SLC30A3: variants seen among roughly 807,000 people sequenced by gnomAD.
SLC30A3 encodes the protein solute carrier family 30 member 3, also known as probable proton-coupled zinc antiporter SLC30A3.
SLC30A3 carries 20 observed loss-of-function variants against 35.6 expected under a neutral mutation model. The ratio of observed to expected loss-of-function variants is 0.56; its 90% CI spans 0.39 to 0.82. The LOEUF is 0.82. SLC30A3 is among the 40% of genes least tolerant of loss of function. SLC30A3 has a pLI of 0.00. For synonymous variants in SLC30A3, 217 were observed against 224.7 expected, an observed-to-expected ratio of 0.97 and a Z score of 0.31; for missense variants, 401 against 530.6, an observed-to-expected ratio of 0.76 and a Z score of 2.40.
chr2:27,270,197 A>T (rs1259433979), intron 1 of SLC30A3, among the ~76,000 whole-genome samples: 1 of 152,250 alleles, frequency 6.6e-6, no homozygotes, highest in Non-Finnish European at 1.5e-5. Context: ...TCTAAATTAC[A>T]GTGTTTTAAT....
At position 27,257,427 on chromosome 2, in the gene SLC30A3, TC is replaced by T; in HGVS notation, c.579-76del. 1 of 1,379,354 alleles carries T rather than the reference TC, an allele frequency of 7.2e-7. No individual in the cohort carries two copies. The highest frequency in any genetic ancestry group is 1.0e-6 in the Non-Finnish European group (1 of 992,806). 85.4% of individuals were successfully genotyped at this position (1,379,354 alleles called of 1,614,324 possible). A position where few individuals can be genotyped will look rare whatever the true frequency, so the allele number is the denominator to read the frequency against. The stretch of plus-strand genomic sequence containing the variant: ...TATACCCCCATCTCCATGTCTCACC[TC>T]CCCAGTAGCCCTTTCCCAGCCCCTG... On this transcript the variant is annotated intron_variant, in intron 4 of 7. Transcript: ENST00000233535. This position sits in a 1 kb window ranked among gnomAD's most constrained non-coding sequence, Gnocchi z 4.7.
chr2:27,272,958 G>T (rs192673430), intron 1 of SLC30A3, among the ~76,000 whole-genome samples: 1 of 151,434 alleles, frequency 6.6e-6, no homozygotes, highest in Non-Finnish European at 1.5e-5. Context: ...AGGCTGAGGT[G>T]GGAGGATGGC....
intron 1 of SLC30A3, chr2:27,275,123 G>C: frequency 2.5e-6 from 3 of 1,218,460 alleles, no homozygotes; most frequent in Non-Finnish European, 3.3e-6. Flanking sequence ...CCTAAGTCCT[G>C]AAGACAACTG....
At position 27,256,776 on chromosome 2, in the gene SLC30A3, T is replaced by C. The variant is rs776038106; in HGVS notation, c.883+12A>G. ...GGGCCACAGGGATGGGGAGCTGTGG[T>C]GCCCGACTCACCTTCCATGAGGATT... On this transcript the variant is annotated intron_variant, in intron 6 of 7. Transcript: ENST00000233535. 1.3e-6 allele frequency: 2 copies of C among 1,573,810 alleles called. No homozygotes were observed. Among genetic ancestry groups the C allele is most frequent in the African/African-American group, 2.7e-5 (2 of 72,834 alleles).
intron 5 of SLC30A3, 71 bp from the exon 6 acceptor site, chr2:27,256,964 C>T (rs1366947947): frequency 1.6e-6 from 2 of 1,224,658 alleles, no homozygotes; most frequent in Non-Finnish European, 2.4e-6. Context: ...GTATCTTGAA[C>T]AAACATGACC....
At position 27,257,771 on chromosome 2, in the gene SLC30A3, C is replaced by T. The variant is rs1037602959; in HGVS notation, c.578+134G>A. ...CTATCCCAGACCCTTCTCAGGCACA[C>T]GCAGGGCAGCCCATGGAGAGCTGTG... On this transcript the variant is annotated intron_variant, in intron 4 of 7. Coordinates refer to ENST00000233535, the MANE Select transcript of SLC30A3 (RefSeq NM_003459.5). This position sits in a 1 kb window ranked among gnomAD's most constrained non-coding sequence, Gnocchi z 4.7. 42 of 913,552 alleles carry T rather than the reference C, an allele frequency of 4.6e-5. No homozygotes were observed. Among genetic ancestry groups the T allele is most frequent in the Non-Finnish European group, 6.0e-5 (36 of 600,584 alleles). 56.6% of individuals were successfully genotyped at this position (913,552 alleles called of 1,614,324 possible). A position where few individuals can be genotyped will look rare whatever the true frequency, so the allele number is the denominator to read the frequency against.
chr2:27,275,365 G>A (rs1201471431), upstream of SLC30A3: 12 of 502,034 alleles, frequency 2.4e-5, no homozygotes, highest in Non-Finnish European at 4.1e-5. Context: ...TTCCCTGCGC[G>A]CGAAATAAGT....
intron 1 of SLC30A3, among the ~76,000 whole-genome samples, chr2:27,270,673 G>A (rs558056873): frequency 9.8e-5 from 15 of 152,304 alleles, no homozygotes; most frequent in African/African-American, 3.6e-4. Flanking sequence ...TTACAGGTAA[G>A]ACAGGTGCTG....
intron 1 of SLC30A3, among the ~76,000 whole-genome samples, chr2:27,272,386 T>C (rs1677761697): frequency 6.6e-6 from 1 of 152,154 alleles, no homozygotes; most frequent in African/African-American, 2.4e-5. Flanking sequence ...CAAGAAATCA[T>C]TCATTCACTC....
intron 1 of SLC30A3, among the ~76,000 whole-genome samples, chr2:27,268,993 A>C (rs1677613355): frequency 6.6e-6 from 1 of 152,134 alleles, no homozygotes; most frequent in Admixed American, 6.6e-5. Context: ...GGGTGCATCA[A>C]GGCTGTGGGA....
chr2:27,263,925 C>T (rs1677361096), upstream of SLC30A3: 2 of 668,078 alleles, frequency 3.0e-6, no homozygotes, highest in Non-Finnish European at 4.7e-6. Context: ...GATTCCCATC[C>T]TCCACACCTG....
upstream of SLC30A3, chr2:27,275,681 G>C (rs1677998826): frequency 1.2e-5 from 2 of 164,876 alleles, no homozygotes; most frequent in African/African-American, 2.4e-5. Context: ...CTGCTCTCTG[G>C]GGTTCCGCTG....
At chr2:27,263,215 GCC>G, upstream of SLC30A3, 1 of 662,210 alleles carries the variant, frequency 1.5e-6, no homozygotes, top group Non-Finnish European at 2.0e-6. Flanking sequence ...GGAGCGCCCC[GCC>G]ACCCGAGTTC....
At chr2:27,264,976 G>C (rs1338522745), upstream of SLC30A3, among the ~76,000 whole-genome samples, 1 of 152,198 alleles carries the variant, frequency 6.6e-6, no homozygotes, top group East Asian at 1.9e-4. This position sits in a 1 kb window ranked among gnomAD's most constrained non-coding sequence, Gnocchi z 6.1. Context: ...GCTGGGATGC[G>C]CAGCGGCCAC....
rs1394710870 is a variant in SLC30A3, at chr2:27,262,292, C to G, written c.95+520G>C. 6.6e-6 allele frequency: 1 copy of G among 152,120 alleles called. No individual in the cohort carries two copies. The highest frequency in any genetic ancestry group is 1.5e-5 in the Non-Finnish European group (1 of 68,160). 9.4% of individuals were successfully genotyped at this position (152,120 alleles called of 1,614,324 possible). On this transcript the variant is annotated intron_variant, in intron 1 of 7. Coordinates refer to ENST00000233535, the MANE Select transcript of SLC30A3 (RefSeq NM_003459.5). This position sits in a 1 kb window ranked among gnomAD's most constrained non-coding sequence, Gnocchi z 7.5. Reference sequence around the variant, plus strand: ...GCCCCCTCGCTTCCCGGCGGCCGCCCGCCCCCCAGGGGCCCGCAAGACCCG... The same window carrying G: ...GCCCCCTCGCTTCCCGGCGGCCGCCGGCCCCCCAGGGGCCCGCAAGACCCG...
chr2:27,257,988 G>C lies in SLC30A3; in HGVS notation c.495C>G (p.Phe165Leu). ...GGTAGTCGCTGTGCAGCAGGCGGAC[G>C]AAGGCCAGGTACAGGAGGATGCCAG... ...MVTGILLYLA[F>L]VRLLHSDYHI... The change falls in exon 4 of 8, where the codon TTC (phenylalanine) becomes TTG (leucine). Residue 165 changes from phenylalanine (F) to leucine (L), a missense_variant. Phe to Leu is a conservative substitution (Grantham distance 22). This residue lies in a region of SLC30A3 where 296 missense variants were observed against 392.6 expected (regional missense o/e 0.75). Transcript: ENST00000233535. This position sits in a 1 kb window ranked among gnomAD's most constrained non-coding sequence, Gnocchi z 4.7. 6.2e-7 allele frequency: 1 copy of C among 1,614,182 alleles called. No individual in the cohort carries two copies. The highest frequency in any genetic ancestry group is 8.5e-7 in the Non-Finnish European group (1 of 1,180,006).
chr2:27,265,691 C>G (rs1396746531), upstream of SLC30A3, among the ~76,000 whole-genome samples: 2 of 152,130 alleles, frequency 1.3e-5, no homozygotes, highest in Non-Finnish European at 2.9e-5. This position sits in a 1 kb window ranked among gnomAD's most constrained non-coding sequence, Gnocchi z 5.9. Flanking sequence ...TGTGTCCCTC[C>G]CTGCTTCTCT....
Position 27,274,120 on chromosome 2 carries a change from G to A in SLC30A3, c.-159+1057C>T, listed in dbSNP as rs181952832. Among the ~76,000 whole-genome samples the A allele has an allele frequency of 1.5e-3, 223 of 152,252 alleles. 1 individual carries two copies. The highest frequency in any genetic ancestry group is 3.9e-3 in the Admixed American group (59 of 15,300). On this transcript the variant is annotated intron_variant, in intron 1 of 5. Transcript: ENST00000424577. ...GGTAGATCACTGAGGTCAGGAGTTC[G>A]AAACCAGCCTGGCCAACATGGTGAA...
At position 27,262,804 on chromosome 2, in the gene SLC30A3, TGTC is replaced by T. The variant is rs765726046; in HGVS notation, c.95+5_95+7del. 1 of 1,558,876 alleles carries T rather than the reference TGTC, an allele frequency of 6.4e-7. No homozygotes were observed. The highest frequency in any genetic ancestry group is 8.6e-7 in the Non-Finnish European group (1 of 1,158,016). ...CCCGGGCCGAGGGCCAGCCCAGGTC[TGTC>T]CTACCTCTTCAAACGCAGGCTGCCT... On this transcript the variant is annotated splice_donor_5th_base_variant and intron_variant, in intron 1 of 7. Coordinates refer to ENST00000233535, the MANE Select transcript of SLC30A3 (RefSeq NM_003459.5). This position sits in a 1 kb window ranked among gnomAD's most constrained non-coding sequence, Gnocchi z 7.5.
Sources: allele counts gnomAD v4.1 joint callset (sites outside exome capture counted in the v4.1 genomes callset), GRCh38; gene constraint gnomAD v4.1.1; regional missense constraint gnomAD v4.1.1; non-coding constraint Gnocchi (gnomAD v3.1); transcripts MANE v1.5; gene names NCBI Gene and HGNC (gene_info 2026-07-23, HGNC 2026-07-21).